MYO16: variants seen among roughly 807,000 people sequenced by gnomAD.
MYO16 encodes the protein myosin XVI.
In MYO16, 94 loss-of-function variants were observed where a neutral mutation model predicts 205.3. The ratio of observed to expected loss-of-function variants is 0.46; its 90% CI spans 0.39 to 0.54. The LOEUF is 0.54. Ranked by LOEUF, MYO16 falls within the 20% of genes least tolerant of loss-of-function variation. The pLI is 0.00. For synonymous variants in MYO16, 988 were observed against 954.0 expected (o/e 1.04, Z -0.66); for missense variants, 2,315 against 2,387.5 (o/e 0.97, Z 0.63).
At chr13:108,792,405 G>A (rs763253250) in intron 5 of MYO16, among the ~76,000 whole-genome samples, 42 of 152,076 alleles carry the variant, frequency 2.8e-4, no homozygotes, top group Non-Finnish European at 1.2e-4. Flanking sequence ...GTTAACACTC[G>A]CATAGCCATG....
intron 34 of MYO16, among the ~76,000 whole-genome samples, chr13:109,193,893 C>T (rs1366314282): frequency 6.6e-6 from 1 of 152,088 alleles, no homozygotes; most frequent in Non-Finnish European, 1.5e-5. Flanking sequence ...AATATGAATA[C>T]CATTTGTTAT....
chr13:108,834,814 C>A (rs180879199), intron 9 of MYO16, among the ~76,000 whole-genome samples: 43 of 151,784 alleles, frequency 2.8e-4, no homozygotes, highest in Middle Eastern at 3.4e-3. Flanking sequence ...TAACAAATAG[C>A]ATTTTACTAT....
the MYO16 span, among the ~76,000 whole-genome samples, chr13:108,563,475 C>G: frequency 6.6e-6 from 1 of 152,144 alleles, no homozygotes; most frequent in African/African-American, 2.4e-5. Flanking sequence ...CAACCTCCCC[C>G]CAACACACTC....
At chr13:108,574,299 G>T in the MYO16 span, among the ~76,000 whole-genome samples, 1 of 152,248 alleles carries the variant, frequency 6.6e-6, no homozygotes, top group South Asian at 2.1e-4. Flanking sequence ...CTGTCTAAAA[G>T]CTCCATGGTT....
intron 6 of MYO16, among the ~76,000 whole-genome samples, chr13:108,799,282 C>G (rs1272065637): frequency 6.6e-6 from 1 of 152,184 alleles, no homozygotes; most frequent in Non-Finnish European, 1.5e-5. Context: ...TCCCAGTGAC[C>G]CTTGGGTGGA....
intron 19 of MYO16, among the ~76,000 whole-genome samples, chr13:108,964,070 C>T (rs1883695622): frequency 6.6e-6 from 1 of 152,212 alleles, no homozygotes; most frequent in South Asian, 2.1e-4. Flanking sequence ...TTCCTAGTCT[C>T]CTGCTCTGCC....
intron 3 of MYO16, among the ~76,000 whole-genome samples, chr13:108,723,347 A>T (rs764766424): frequency 1.8e-4 from 27 of 151,838 alleles, no homozygotes; most frequent in Non-Finnish European, 3.7e-4. Context: ...AGGGTAGAGG[A>T]TTTTTGTTTT....
intron 10 of MYO16, among the ~76,000 whole-genome samples, chr13:108,848,558 C>G (rs1877643049): frequency 2.0e-5 from 3 of 152,152 alleles, no homozygotes; most frequent in African/African-American, 7.2e-5. Flanking sequence ...GATCCCAGCA[C>G]TAGAGGCCAA....
the MYO16 span, among the ~76,000 whole-genome samples, chr13:108,503,874 AAT>A: frequency 1.3e-5 from 2 of 152,178 alleles, no homozygotes; most frequent in African/African-American, 4.8e-5. Flanking sequence ...AGATAAAATT[AAT>A]ATGAGAGTTT....
chr13:108,505,143 C>G, the MYO16 span, among the ~76,000 whole-genome samples: 1 of 152,132 alleles, frequency 6.6e-6, no homozygotes, highest in Non-Finnish European at 1.5e-5. Flanking sequence ...CTTCAAGATC[C>G]TGTTTTCAAT....
the MYO16 span, among the ~76,000 whole-genome samples, chr13:108,521,781 A>G: frequency 6.6e-6 from 1 of 152,296 alleles, no homozygotes; most frequent in East Asian, 1.9e-4. Context: ...CAAAATCTGA[A>G]TGTGGAAAAA....
chr13:108,868,640 C>A (rs1193248089), intron 12 of MYO16, among the ~76,000 whole-genome samples: 1 of 151,966 alleles, frequency 6.6e-6, no homozygotes, highest in Non-Finnish European at 1.5e-5. Flanking sequence ...GACCATCTTT[C>A]AGCTGGGCTC....
intron 9 of MYO16, among the ~76,000 whole-genome samples, chr13:108,826,042 C>G (rs1027196745): frequency 6.6e-6 from 1 of 151,870 alleles, no homozygotes; most frequent in Admixed American, 6.6e-5. Context: ...TATAAAAATA[C>G]CAGATGACTT....
chr13:108,898,457 A>G (rs1594379391), intron 15 of MYO16, among the ~76,000 whole-genome samples: 1 of 151,824 alleles, frequency 6.6e-6, no homozygotes, highest in Admixed American at 6.6e-5. Flanking sequence ...TCTCAAATGC[A>G]AGCTGAACCT....
In MYO16 at chr13:108,727,395, C is replaced by A. The variant is rs184347246; in HGVS notation, c.364-45C>A. On this transcript the variant is annotated intron_variant, in intron 3 of 34. Coordinates refer to ENST00000457511, the MANE Select transcript of MYO16 (RefSeq NM_001198950.3). ...TGTGGACATTTGGAATAAGCCATAT[C>A]ACAGTTTGTAATAATTTGATATTTC... 1.9e-6 allele frequency: 3 copies of A among 1,582,722 alleles called. No individual in the cohort carries two copies. The Admixed American group carries it at 5.2e-5, about 27-fold the overall frequency.
rs916801775 is a variant in MYO16, at chr13:109,206,903, C to T, written c.*67C>T. 9.7e-6 allele frequency: 14 copies of T among 1,445,482 alleles called. No homozygotes were observed. Among genetic ancestry groups the T allele is most frequent in the African/African-American group, 2.8e-5 (2 of 70,870 alleles). 89.5% of individuals were successfully genotyped at this position (1,445,482 alleles called of 1,614,324 possible). On this transcript the variant is annotated 3_prime_UTR_variant, in exon 35 of 35. Transcript: ENST00000457511. ...GATTCCGGGCTGCAACAACAGAAGG[C>T]TGCCTTCTGACATGCGCTGGGGCTT... is the stretch of plus-strand genomic sequence containing the variant.
the MYO16 span, among the ~76,000 whole-genome samples, chr13:108,530,694 G>A: frequency 6.6e-6 from 1 of 152,028 alleles, no homozygotes; most frequent in Non-Finnish European, 1.5e-5. Flanking sequence ...TTGTGTTTAT[G>A]TTCAAAATAT....
chr13:108,654,769 T>G (rs1053284153), intron 1 of MYO16, among the ~76,000 whole-genome samples: 3 of 152,094 alleles, frequency 2.0e-5, no homozygotes, highest in Admixed American at 6.6e-5. Flanking sequence ...TGGTCTCAGA[T>G]GGAGATGAGA....
At chr13:108,552,955 T>G in the MYO16 span, among the ~76,000 whole-genome samples, 57 of 147,788 alleles carry the variant, frequency 3.9e-4, no homozygotes, top group Admixed American at 2.8e-3. Flanking sequence ...GGTGGAGCCC[T>G]CGGTCTAATC....
Sources: gnomAD v4.1 joint callset for allele counts (sites outside exome capture counted in the v4.1 genomes callset) on GRCh38, gnomAD v4.1.1 for gene constraint, MANE v1.5 for transcripts, NCBI Gene and HGNC (gene_info 2026-07-23, HGNC 2026-07-21) for gene names.